The following SLIT2 variants were observed in gnomAD, a reference collection of about 807,000 sequenced individuals.
The protein encoded by SLIT2 is slit homolog 2 protein.
SLIT2 carries 41 observed loss-of-function variants against 185.7 expected under a neutral mutation model. The ratio of observed to expected loss-of-function variants is 0.22; its 90% CI spans 0.17 to 0.29. The LOEUF is 0.29. SLIT2 is among the 10% of genes least tolerant of loss of function. The pLI is 1.00. For synonymous variants in SLIT2, 693 were observed against 680.2 expected, an observed-to-expected ratio of 1.02 and a Z score of -0.29; for missense variants, 1,571 against 1,909.0, an observed-to-expected ratio of 0.82 and a Z score of 3.30.
rs371622197 is a variant in SLIT2, at chr4:20,528,338, A to G, written c.1463-611A>G. 1.5e-5 allele frequency: 8 copies of G among 534,642 alleles called. No individual in the cohort carries two copies. The highest frequency in any genetic ancestry group is 5.8e-5 in the Admixed American group (3 of 51,570). The allele number at this position is 534,642 out of a possible 1,614,324, so 33.1% of individuals were successfully genotyped here. ...ACCATGTGGTTGCGAGGTATGAGTA[A>G]AACATGGTTCCGTCAAGCACCATGG... On this transcript the variant is annotated intron_variant, in intron 15 of 36. Coordinates refer to ENST00000504154, the MANE Select transcript of SLIT2 (RefSeq NM_004787.4). This position sits in a 1 kb window ranked among gnomAD's most constrained non-coding sequence, Gnocchi z 4.2.
At chr4:20,472,268 A>ATATATATC (rs1382358939) in intron 5 of SLIT2, among the ~76,000 whole-genome samples, 3,917 of 38,530 alleles carry the variant, frequency 0.1, 675 homozygotes, top group African/African-American at 0.25. Flanking sequence ...CTATATATAG[A>ATATATATC]TATATATCTA....
intron 24 of SLIT2, among the ~76,000 whole-genome samples, chr4:20,549,959 G>T (rs980611324): frequency 1.3e-5 from 2 of 151,898 alleles, no homozygotes; most frequent in Non-Finnish European, 1.5e-5. Flanking sequence ...AAATGTGCTG[G>T]CATTTCAGCA....
At chr4:20,556,847 T>C (rs1724301773) in intron 26 of SLIT2, among the ~76,000 whole-genome samples, 1 of 152,030 alleles carries the variant, frequency 6.6e-6, no homozygotes, top group Admixed American at 6.6e-5. Flanking sequence ...AAAGCAAAAG[T>C]TCTTGAAGGA....
intron 4 of SLIT2, among the ~76,000 whole-genome samples, chr4:20,321,223 T>C (rs891888242): frequency 1.3e-5 from 2 of 152,198 alleles, no homozygotes; most frequent in Admixed American, 1.3e-4. Context: ...TTTCTGTTAA[T>C]GATCCCAAAT....
chr4:20,286,314 G>A lies in SLIT2; in HGVS notation c.395+17433G>A, dbSNP rs116133322. Among the ~76,000 whole-genome samples, 1,501 of 152,186 alleles carry A rather than the reference G, an allele frequency of 9.9e-3. 26 individuals carry two copies. The highest frequency in any genetic ancestry group is 0.034 in the African/African-American group (1,404 of 41,510). On this transcript the variant is annotated intron_variant, in intron 4 of 36. Transcript: ENST00000504154. ...CCTCATCCCATCATTTTCCAAACTT[G>A]AAGTTTAATGTCACTCTTGGCTCCT...
intron 14 of SLIT2, among the ~76,000 whole-genome samples, chr4:20,524,611 G>A (rs1721125662): frequency 6.6e-6 from 1 of 152,210 alleles, no homozygotes; most frequent in East Asian, 1.9e-4. Flanking sequence ...AAGTACAGGG[G>A]CGCCAGGAGG....
chr4:20,573,595 C>G (rs1010311601), intron 29 of SLIT2, among the ~76,000 whole-genome samples: 2 of 151,996 alleles, frequency 1.3e-5, no homozygotes, highest in Non-Finnish European at 2.9e-5. Context: ...AAATATATCA[C>G]AAACATATTA....
chr4:20,569,359 T>C (rs911875171), intron 29 of SLIT2: 29 of 234,872 alleles, frequency 1.2e-4, no homozygotes, highest in Admixed American at 9.5e-4. Context: ...GACATTTATT[T>C]AATAGCCAAA....
intron 4 of SLIT2, among the ~76,000 whole-genome samples, chr4:20,342,771 A>C (rs1240152811): frequency 1.8e-5 from 2 of 109,978 alleles, no homozygotes; most frequent in African/African-American, 7.3e-5. Context: ...ATGTCGGTCC[A>C]TGTGCTGGAG....
intron 5 of SLIT2, among the ~76,000 whole-genome samples, chr4:20,472,317 T>G (rs1252029383): frequency 2.0e-3 from 64 of 31,994 alleles, no homozygotes; most frequent in African/African-American, 4.9e-3. Context: ...TATATATAGA[T>G]ATATATATCT....
chr4:20,454,805 A>G (rs1030222926), intron 4 of SLIT2, among the ~76,000 whole-genome samples: 7 of 152,122 alleles, frequency 4.6e-5, no homozygotes, highest in African/African-American at 1.7e-4. Flanking sequence ...GGTTAATGGG[A>G]TACTCAACTG....
intron 4 of SLIT2, among the ~76,000 whole-genome samples, chr4:20,464,658 C>T (rs946690318): frequency 2.0e-5 from 3 of 152,230 alleles, no homozygotes; most frequent in Non-Finnish European, 2.9e-5. Flanking sequence ...CCACTGCATA[C>T]GTTGTACCCT....
At chr4:20,255,155 C>T in intron 1 of SLIT2, 2 of 415,408 alleles carry the variant, frequency 4.8e-6, no homozygotes, top group Admixed American at 2.8e-5. Context: ...GCCAGCGCGT[C>T]TGGATTCGTC....
chr4:20,527,267 GAA>G (rs1721379102), intron 15 of SLIT2, among the ~76,000 whole-genome samples: 2 of 146,920 alleles, frequency 1.4e-5, no homozygotes, highest in South Asian at 5.5e-4. Flanking sequence ...AGTGATAAAA[GAA>G]AATCTGTCTT....
chr4:20,383,212 T>G (rs950515421), intron 4 of SLIT2, among the ~76,000 whole-genome samples: 5 of 152,174 alleles, frequency 3.3e-5, no homozygotes, highest in African/African-American at 9.7e-5. Context: ...TAGCAAAGAT[T>G]TCTTAAATAG....
chr4:20,497,940 G>A (rs1277370845), intron 9 of SLIT2, among the ~76,000 whole-genome samples: 6 of 151,872 alleles, frequency 4.0e-5, no homozygotes, highest in Admixed American at 2.6e-4. Context: ...TTTAGAGGCC[G>A]AGGCGGGCAG....
intron 4 of SLIT2, among the ~76,000 whole-genome samples, chr4:20,353,058 A>G (rs1225964459): frequency 6.6e-6 from 1 of 152,212 alleles, no homozygotes; most frequent in Admixed American, 6.5e-5. Flanking sequence ...GAAGCATCAG[A>G]TGAATTCTCA....
intron 4 of SLIT2, among the ~76,000 whole-genome samples, chr4:20,349,125 G>T (rs1295878615): frequency 2.0e-5 from 3 of 152,150 alleles, no homozygotes; most frequent in Non-Finnish European, 4.4e-5. Context: ...TAGGAATTCG[G>T]TGTGGACAAG....
intron 4 of SLIT2, among the ~76,000 whole-genome samples, chr4:20,389,554 G>T (rs1725250914): frequency 6.6e-6 from 1 of 151,612 alleles, no homozygotes; most frequent in Non-Finnish European, 1.5e-5. Context: ...TAACCACCGA[G>T]ATTTTGAGAG....
Sources: allele counts gnomAD v4.1 joint callset (sites outside exome capture counted in the v4.1 genomes callset), GRCh38; gene constraint gnomAD v4.1.1; non-coding constraint Gnocchi (gnomAD v3.1); transcripts MANE v1.5; gene names NCBI Gene and HGNC (gene_info 2026-07-23, HGNC 2026-07-21).